The following DAPP1 variants were observed in gnomAD, a reference collection of about 807,000 sequenced individuals.
The protein encoded by DAPP1 is dual adapter for phosphotyrosine and 3-phosphotyrosine and 3-phosphoinositide.
Under a neutral mutation model 41.5 loss-of-function variants are expected in DAPP1, and 20 were observed. That is an observed-to-expected ratio of 0.48 (90% confidence interval 0.34 to 0.70). The LOEUF (loss-of-function observed/expected upper bound fraction) is 0.70. DAPP1 is among the 30% of genes least tolerant of loss of function. The pLI is 0.01. For synonymous variants in DAPP1, 113 were observed against 116.2 expected, an observed-to-expected ratio of 0.97 and a Z score of 0.18; for missense variants, 233 against 333.4, an observed-to-expected ratio of 0.70 and a Z score of 2.35.
intron 3 of DAPP1, among the ~76,000 whole-genome samples, chr4:99,847,780 G>C (rs1424633421): frequency 6.6e-6 from 1 of 150,458 alleles, no homozygotes; most frequent in Non-Finnish European, 1.5e-5. Context: ...TTAAGAGTCT[G>C]TGGTAGCGAC....
chr4:99,862,816 G>T (rs936189367), intron 5 of DAPP1, among the ~76,000 whole-genome samples, 194 bp from the exon 6 acceptor site: 3 of 151,778 alleles, frequency 2.0e-5, no homozygotes, highest in Non-Finnish European at 4.4e-5. Context: ...CTTAATGCAT[G>T]AAATTATTTT....
In DAPP1 at chr4:99,849,480, C is replaced by T. The variant is rs1385347893; in HGVS notation, c.359-3738C>T. Among the ~76,000 whole-genome samples the T allele has an allele frequency of 3.3e-5, 5 of 152,274 alleles. No individual in the cohort carries two copies. In the East Asian group the frequency reaches 9.7e-4, roughly 29 times the overall value. On this transcript the variant is annotated intron_variant, in intron 3 of 8. Transcript: ENST00000512369. ...TTGACTGATAGGTGCGCTGAAGAGG[C>T]TCACAGAGGTTGGAAATGCACACGT...
chr4:99,861,704 G>C (rs1441710916), intron 5 of DAPP1, 79 bp downstream of exon 5: 13 of 1,471,154 alleles, frequency 8.8e-6, no homozygotes, highest in East Asian at 7.4e-5. Flanking sequence ...CATCTTGATA[G>C]TTTTTCTTGG....
chr4:99,834,391 A>ATTTTT (rs1018060738), intron 1 of DAPP1, among the ~76,000 whole-genome samples: 7 of 146,628 alleles, frequency 4.8e-5, no homozygotes, highest in African/African-American at 1.7e-4. Flanking sequence ...GACAATTTGA[A>ATTTTT]TTTTTTTTTT....
rs1214491721 is a variant in DAPP1 at position 99,835,648 on chromosome 4, C to T, written c.127C>T (p.His43Tyr). ...GTGGTATCACGGCAACCTCACACGC[C>T]ATGCTGCTGAAGCTCTTCTCCTCTC... ...LGWYHGNLTRHAAEALLLSNG... is the reference protein window; with the variant it reads ...LGWYHGNLTRYAAEALLLSNG... Residue 43 changes from histidine to tyrosine, a missense_variant, in exon 2 of 9, where the codon CAT becomes TAT. His to Tyr is a moderately conservative substitution (Grantham distance 83, BLOSUM62 2). Coordinates refer to ENST00000512369, the MANE Select transcript of DAPP1 (RefSeq NM_014395.3). 1 of 1,613,510 alleles carries T rather than the reference C, an allele frequency of 6.2e-7. No individual in the cohort carries two copies. Among genetic ancestry groups the T allele is most frequent in the Non-Finnish European group, 8.5e-7 (1 of 1,179,856 alleles).
At chr4:99,844,122 C>A (rs899985337) in intron 3 of DAPP1, 1 of 152,152 alleles carries the variant, frequency 6.6e-6, no homozygotes, top group Non-Finnish European at 1.5e-5. Context: ...AAAATTTAGG[C>A]TCGCAGACGG....
At chr4:99,848,106 C>T (rs1033484318) in intron 3 of DAPP1, among the ~76,000 whole-genome samples, 17 of 151,908 alleles carry the variant, frequency 1.1e-4, no homozygotes, top group Admixed American at 8.5e-4. Context: ...CCACCGCGCC[C>T]GGCTGATAAG....
chr4:99,839,090 C>G (rs1273920540), intron 2 of DAPP1, among the ~76,000 whole-genome samples: 1 of 152,112 alleles, frequency 6.6e-6, no homozygotes, highest in African/African-American at 2.4e-5. Context: ...TGGACTAGGG[C>G]AGCTGTTCTA....
chr4:99,835,892 T>C, intron 2 of DAPP1, 147 bp downstream of exon 2: 1 of 1,044,982 alleles, frequency 9.6e-7, no homozygotes, highest in Non-Finnish European at 1.4e-6. Context: ...ATGATGAGGG[T>C]GTAAAACAAC....
chr4:99,832,372 A>G (rs1723156207), intron 1 of DAPP1, among the ~76,000 whole-genome samples: 1 of 152,282 alleles, frequency 6.6e-6, no homozygotes, highest in Non-Finnish European at 1.5e-5. Flanking sequence ...CTCCCCTGAA[A>G]GAAATGCTCA....
At chr4:99,823,372 A>C (rs748433262) in intron 1 of DAPP1, among the ~76,000 whole-genome samples, 13 of 152,170 alleles carry the variant, frequency 8.5e-5, no homozygotes, top group Non-Finnish European at 1.9e-4. Context: ...AAGCATCAAA[A>C]TATAAAGAAA....
Position 99,868,298 on chromosome 4 carries a change from C to A in DAPP1, c.*113C>A. 1.0e-6 allele frequency: 1 copy of A among 997,786 alleles called. No homozygotes were observed. Among genetic ancestry groups the A allele is most frequent in the South Asian group, 1.4e-5 (1 of 70,620 alleles). The allele number at this position is 997,786 out of a possible 1,614,324, so 61.8% of individuals were successfully genotyped here. Reference sequence around the variant, plus strand: ...CCGACTAAGGATTTTCTTTCAAAAACAAATCAGAAGCAGATGCTGATTGGG... The same window carrying A: ...CCGACTAAGGATTTTCTTTCAAAAAAAAATCAGAAGCAGATGCTGATTGGG... On this transcript the variant is annotated 3_prime_UTR_variant, in exon 9 of 9. Transcript: ENST00000512369.
At chr4:99,846,961 A>T (rs1306037449) in intron 3 of DAPP1, among the ~76,000 whole-genome samples, 1 of 152,202 alleles carries the variant, frequency 6.6e-6, no homozygotes, top group African/African-American at 2.4e-5. Context: ...ACCCCAAGAA[A>T]TCTACTTCTC....
intron 8 of DAPP1, chr4:99,866,754 T>G: frequency 1.8e-6 from 1 of 549,374 alleles, no homozygotes; most frequent in Admixed American, 3.7e-5. Context: ...CTTTGATGAT[T>G]TCTTTTTTTC....
At chr4:99,861,750 A>G (rs190742620) in intron 5 of DAPP1, 125 bp downstream of exon 5, 2 of 1,106,140 alleles carry the variant, frequency 1.8e-6, no homozygotes, top group African/African-American at 3.1e-5. Context: ...CCCATTTGTA[A>G]TATTCACCTG....
chr4:99,824,841 T>C (rs1225318080), intron 1 of DAPP1, among the ~76,000 whole-genome samples: 1 of 152,178 alleles, frequency 6.6e-6, no homozygotes, highest in African/African-American at 2.4e-5. Context: ...TCCCTGAGCC[T>C]CAGTTACTGG....
chr4:99,850,111 A>G (rs1025575929), intron 3 of DAPP1, among the ~76,000 whole-genome samples: 1 of 152,268 alleles, frequency 6.6e-6, no homozygotes. Flanking sequence ...ATTTGCTACA[A>G]TAGCAATAAA....
chr4:99,857,045 A>T (rs780058270), intron 4 of DAPP1, among the ~76,000 whole-genome samples: 45 of 152,230 alleles, frequency 3.0e-4, no homozygotes, highest in Non-Finnish European at 4.9e-4. Flanking sequence ...CTCATAAGAC[A>T]TTTGGAACCT....
chr4:99,865,083 C>A (rs1370640784), intron 7 of DAPP1: 1 of 152,284 alleles, frequency 6.6e-6, no homozygotes, highest in African/African-American at 2.4e-5. Context: ...TCCCTCCCCA[C>A]CACTGTCCAC....
Sources: allele counts gnomAD v4.1 joint callset (sites outside exome capture counted in the v4.1 genomes callset), GRCh38; gene constraint gnomAD v4.1.1; transcripts MANE v1.5; gene names NCBI Gene and HGNC (gene_info 2026-07-23, HGNC 2026-07-21).